Variants in TMED3 observed in about 807,000 individuals in gnomAD.
TMED3 encodes the protein transmembrane emp24 domain-containing protein 3.
TMED3 carries 9 observed loss-of-function variants against 15.0 expected under a neutral mutation model. The ratio of observed to expected loss-of-function variants is 0.60; its 90% CI spans 0.36 to 1.04. TMED3 has a LOEUF of 1.04. Ranked by LOEUF, TMED3 falls within the 50% of genes least tolerant of loss-of-function variation. The pLI is 0.01. For synonymous variants in TMED3, 117 were observed against 121.4 expected (o/e 0.96, Z 0.24); for missense variants, 267 against 278.9 (o/e 0.96, Z 0.30).
chr15:79,353,926 C>T (rs1056903488), intron 2 of TMED3, among the ~76,000 whole-genome samples: 1 of 152,108 alleles, frequency 6.6e-6, no homozygotes, highest in African/African-American at 2.4e-5. Context: ...CCAGCTTCCC[C>T]TAGAATCCTT....
intron 2 of TMED3, among the ~76,000 whole-genome samples, chr15:79,328,965 T>C (rs2058797502): frequency 6.6e-6 from 1 of 152,214 alleles, no homozygotes; most frequent in African/African-American, 2.4e-5. Context: ...GTTGGCCCTA[T>C]GGGACAATAG....
chr15:79,411,226 T>G (rs981000467), intron 2 of TMED3, among the ~76,000 whole-genome samples: 1 of 152,172 alleles, frequency 6.6e-6, no homozygotes, highest in Non-Finnish European at 1.5e-5. Context: ...CAGGTGAATG[T>G]GTAAACTTTC....
chr15:79,401,013 A>C (rs917511411), intron 2 of TMED3, among the ~76,000 whole-genome samples: 4 of 152,232 alleles, frequency 2.6e-5, no homozygotes, highest in African/African-American at 9.6e-5. Flanking sequence ...AACATCCTGA[A>C]GATAACAAAA....
At chr15:79,351,296 A>G (rs1334031598) in intron 2 of TMED3, among the ~76,000 whole-genome samples, 2 of 152,208 alleles carry the variant, frequency 1.3e-5, no homozygotes, top group African/African-American at 2.4e-5. Context: ...ATGATTTCCA[A>G]GAGTCTACGG....
intron 2 of TMED3, among the ~76,000 whole-genome samples, chr15:79,404,461 C>G (rs1038761246): frequency 6.6e-6 from 1 of 152,234 alleles, no homozygotes; most frequent in Admixed American, 6.5e-5. Flanking sequence ...GTCCATTGCC[C>G]AAGCACCGAA....
At chr15:79,353,278 T>A (rs1192571933) in intron 2 of TMED3, among the ~76,000 whole-genome samples, 35 of 64,300 alleles carry the variant, frequency 5.4e-4, no homozygotes, top group African/African-American at 1.6e-3. Context: ...ATAATATATA[T>A]AATATATATT....
At position 79,358,393 on chromosome 15, in the gene TMED3, G is replaced by T. The variant is rs117244544; in HGVS notation, c.417+44388G>T. 2.6e-5 allele frequency among the ~76,000 whole-genome samples: 4 copies of T among 152,378 alleles called. No individual in the cohort carries two copies. In the East Asian group the frequency reaches 5.8e-4, roughly 22 times the overall value. ...AGGTTTCAGACAACAACCCTACTGT[G>T]TGTGTCTAGGCAAATGGTTCAGGGA... On this transcript the variant is annotated intron_variant, in intron 2 of 2. Transcript: ENST00000424155.
downstream of TMED3, among the ~76,000 whole-genome samples, chr15:79,325,609 G>A (rs2058784368): frequency 6.6e-6 from 1 of 152,200 alleles, no homozygotes; most frequent in Admixed American, 6.5e-5. Context: ...ACGATCACAA[G>A]GTGAAGTCCC....
chr15:79,336,077 G>A lies in TMED3; in HGVS notation c.417+22072G>A, dbSNP rs370708695. On this transcript the variant is annotated intron_variant, in intron 2 of 2. Coordinates refer to the TMED3 transcript ENST00000424155. ...TCAAGAGGCCCTGAAAACTAAGTTT[G>A]TAAGATCAATACAAGCCATTCCTGA... Among the ~76,000 whole-genome samples, 14 of 152,322 alleles carry A rather than the reference G, an allele frequency of 9.2e-5. No individual in the cohort carries two copies. The South Asian group carries it at 2.9e-3, about 32-fold the overall frequency.
intron 2 of TMED3, among the ~76,000 whole-genome samples, chr15:79,376,580 G>A (rs1012677294): frequency 7.2e-5 from 11 of 152,142 alleles, no homozygotes; most frequent in African/African-American, 2.7e-4. Flanking sequence ...AGAACACACT[G>A]TTGCAATTGT....
At chr15:79,393,983 C>T (rs78828784) in intron 2 of TMED3, among the ~76,000 whole-genome samples, 44,144 of 151,752 alleles carry the variant, frequency 0.29, 8,307 homozygotes, top group Middle Eastern at 0.51. Context: ...ATGCATGAGA[C>T]ACAGTGCCCG....
chr15:79,363,698 T>C (rs1414066167), intron 2 of TMED3, among the ~76,000 whole-genome samples: 1 of 152,226 alleles, frequency 6.6e-6, no homozygotes, highest in Non-Finnish European at 1.5e-5. Context: ...AGGAAATTGT[T>C]AATTTTCTCC....
intron 2 of TMED3, among the ~76,000 whole-genome samples, chr15:79,341,662 G>C (rs2058852216): frequency 6.6e-6 from 1 of 152,160 alleles, no homozygotes; most frequent in African/African-American, 2.4e-5. Flanking sequence ...CCTTCCCTGT[G>C]CCATAAGAAA....
downstream of TMED3, among the ~76,000 whole-genome samples, chr15:79,326,791 TTATAAAA>T (rs2058788994): frequency 6.6e-6 from 1 of 152,308 alleles, no homozygotes; most frequent in South Asian, 2.1e-4. Flanking sequence ...ATTAGTGCTC[TTATAAAA>T]GAGGCCTGAG....
intron 2 of TMED3, among the ~76,000 whole-genome samples, chr15:79,409,397 GC>G (rs1363923478): frequency 6.6e-6 from 1 of 152,164 alleles, no homozygotes; most frequent in Non-Finnish European, 1.5e-5. Context: ...CAGCCACAAT[GC>G]CCCAGATATA....
chr15:79,339,533 T>C (rs2058841790), intron 2 of TMED3, among the ~76,000 whole-genome samples: 1 of 152,238 alleles, frequency 6.6e-6, no homozygotes, highest in Non-Finnish European at 1.5e-5. Flanking sequence ...TCTATTAACT[T>C]CCATTGCAAA....
chr15:79,405,937 T>G (rs1181084268), intron 2 of TMED3, among the ~76,000 whole-genome samples: 1 of 152,236 alleles, frequency 6.6e-6, no homozygotes, highest in African/African-American at 2.4e-5. Flanking sequence ...TGAAAAGAAC[T>G]TATTTGCCAG....
chr15:79,404,595 A>G (rs1595912378), intron 2 of TMED3, among the ~76,000 whole-genome samples: 3 of 152,258 alleles, frequency 2.0e-5, no homozygotes, highest in South Asian at 4.1e-4. Context: ...TCCTCCTCCC[A>G]TCAGTCCTTC....
At chr15:79,364,588 A>G (rs1414195209) in intron 2 of TMED3, among the ~76,000 whole-genome samples, 2 of 151,774 alleles carry the variant, frequency 1.3e-5, no homozygotes, top group Non-Finnish European at 2.9e-5. Flanking sequence ...CTGCACCCAT[A>G]TAAACCCTGA....
Sources: allele counts gnomAD v4.1 joint callset (sites outside exome capture counted in the v4.1 genomes callset), GRCh38; gene constraint gnomAD v4.1.1; transcripts MANE v1.5; gene names NCBI Gene and HGNC (gene_info 2026-07-23, HGNC 2026-07-21).